The following KIAA1549 variants were observed in gnomAD, a reference collection of about 807,000 sequenced individuals.
The protein encoded by KIAA1549 is UPF0606 protein KIAA1549.
Under a neutral mutation model 156.4 loss-of-function variants are expected in KIAA1549, and 70 were observed. The ratio of observed to expected loss-of-function variants is 0.45; its 90% confidence interval spans 0.37 to 0.55. The LOEUF (loss-of-function observed/expected upper bound fraction) is 0.55. KIAA1549 is among the 20% of genes least tolerant of loss of function. KIAA1549 has a pLI of 0.00. For missense variants in KIAA1549, 2,428 were observed against 2,540.9 expected (o/e 0.96, Z 0.96); for synonymous variants, 1,103 against 1,066.4 (o/e 1.03, Z -0.67).
rs991564007 is a variant in KIAA1549 at position 138,835,017 on chromosome 7, TAC to T, written c.*2887_*2888del. The T allele has an allele frequency of 1.2e-4, 27 of 227,074 alleles. No homozygotes were observed. Among genetic ancestry groups the T allele is most frequent in the Non-Finnish European group, 1.6e-4 (18 of 114,350 alleles). The allele number at this position is 227,074 out of a possible 1,614,324, so 14.1% of individuals were successfully genotyped here. A position where few individuals can be genotyped will look rare whatever the true frequency, so the allele number is the denominator to read the frequency against. ...TTCTCCAAACATTCTGACTCAAATTTACAGTTTGTGTTACCACTAGAACTTTT... is the reference window on the plus strand; with the variant it reads ...TTCTCCAAACATTCTGACTCAAATTTAGTTTGTGTTACCACTAGAACTTTT... On this transcript the variant is annotated 3_prime_UTR_variant, in exon 20 of 20. Coordinates refer to ENST00000422774, the MANE Select transcript of KIAA1549 (RefSeq NM_001164665.2).
rs369007723 is a variant in KIAA1549, at chr7:138,844,421, G to C, written c.5348C>G (p.Pro1783Arg). 8.2e-6 allele frequency: 13 copies of C among 1,592,426 alleles called. No homozygotes were observed. Among genetic ancestry groups the C allele is most frequent in the Non-Finnish European group, 1.0e-5 (12 of 1,170,058 alleles). ...LQSTELVPPD[P>R]QQPQASAEAP... ...TTCGGCGGAGGCCTGTGGCTGCTGAGGGTCAGGGGGCACCAGCTCTGTAGA... is the reference window on the plus strand; with the variant it reads ...TTCGGCGGAGGCCTGTGGCTGCTGACGGTCAGGGGGCACCAGCTCTGTAGA... The change falls in exon 18 of 20, where the codon CCT becomes CGT. Residue 1783 changes from proline to arginine, a missense_variant. Physicochemically the swap from Pro to Arg is moderately radical, Grantham distance 103. Transcript: ENST00000422774.
At chr7:138,915,043 C>T (rs916366231) in intron 2 of KIAA1549, among the ~76,000 whole-genome samples, 4 of 152,314 alleles carry the variant, frequency 2.6e-5, no homozygotes, top group Admixed American at 6.5e-5. Flanking sequence ...CTGCTCTAAT[C>T]TTCAGATTCA....
Position 138,835,580 on chromosome 7 carries a change from A to T in KIAA1549, c.*2326T>A. ...TGGCCCTGAGCGGAACTGGGTGAGA[A>T]GGGGCCATTTATCCCGTTTGCTGTC... On this transcript the variant is annotated 3_prime_UTR_variant, in exon 20 of 20. Transcript: ENST00000422774. 1 of 224,440 alleles carries T rather than the reference A, an allele frequency of 4.5e-6. No homozygotes were observed. The highest frequency in any genetic ancestry group is 1.4e-3 in the Middle Eastern group (1 of 740). The allele number at this position is 224,440 out of a possible 1,614,324, so 13.9% of individuals were successfully genotyped here.
chr7:138,933,028 G>A (rs1812914914), intron 1 of KIAA1549, among the ~76,000 whole-genome samples: 1 of 152,210 alleles, frequency 6.6e-6, no homozygotes, highest in South Asian at 2.1e-4. Flanking sequence ...AAGGGTCGCT[G>A]TGCTGAATGA....
intron 15 of KIAA1549, among the ~76,000 whole-genome samples, chr7:138,863,179 C>A (rs1810638503): frequency 6.6e-6 from 1 of 151,698 alleles, no homozygotes; most frequent in South Asian, 2.1e-4. Flanking sequence ...GCAGCAGACA[C>A]AGTGAAGAGA....
Position 138,941,861 on chromosome 7 carries a change from C to G in KIAA1549, c.188-22423G>C, listed in dbSNP as rs558940997. On this transcript the variant is annotated intron_variant, in intron 1 of 19. Coordinates refer to ENST00000422774, the MANE Select transcript of KIAA1549 (RefSeq NM_001164665.2). The stretch of plus-strand genomic sequence containing the variant: ...TTCAGGGACCAGTAAGATGAGGGAG[C>G]CTAAACTCTTCCAAAGAGGAAATAA... Among the ~76,000 whole-genome samples, 137 of 152,256 alleles carry G rather than the reference C, an allele frequency of 9.0e-4. 1 individual carries two copies. Among genetic ancestry groups the G allele is most frequent in the African/African-American group, 3.3e-3 (136 of 41,552 alleles).
intron 17 of KIAA1549, among the ~76,000 whole-genome samples, chr7:138,844,849 T>C (rs2130335485): frequency 6.6e-6 from 1 of 151,000 alleles, no homozygotes; most frequent in South Asian, 2.1e-4. Flanking sequence ...ACAGAAACAC[T>C]AGGGGCGAGA....
chr7:138,839,778 CTTT>C (rs763327649), intron 19 of KIAA1549, among the ~76,000 whole-genome samples: 9 of 61,354 alleles, frequency 1.5e-4, no homozygotes, highest in African/African-American at 5.8e-4. Context: ...GGGATTATGT[CTTT>C]TTTTTTTTTT....
intron 1 of KIAA1549, among the ~76,000 whole-genome samples, chr7:138,944,337 C>T (rs1197822423): frequency 6.6e-6 from 1 of 152,066 alleles, no homozygotes; most frequent in Admixed American, 6.6e-5. Context: ...CAAGGAAATG[C>T]AAATCAAAAG....
In KIAA1549 at chr7:138,875,753, T is replaced by C. The variant is rs557490488; in HGVS notation, c.4345+3785A>G. 7.2e-5 allele frequency among the ~76,000 whole-genome samples: 11 copies of C among 152,340 alleles called. 1 individual carries two copies. In the South Asian group the frequency reaches 1.2e-3, roughly 17 times the overall value. ...AAATGACAAAGCAAGAGAGCATTTT[T>C]AAAGAAATATTATTTCATTATCTAC... On this transcript the variant is annotated intron_variant, in intron 12 of 19. Transcript: ENST00000422774.
At chr7:138,957,450 C>CCTCCTT (rs1272886802) in intron 1 of KIAA1549, among the ~76,000 whole-genome samples, 3 of 94,546 alleles carry the variant, frequency 3.2e-5, no homozygotes, top group African/African-American at 1.4e-4. Context: ...TCCCCCTCCC[C>CCTCCTT]CTCCTTCTCC....
intron 9 of KIAA1549, 70 bp from the exon 10 acceptor site, chr7:138,894,596 T>C: frequency 6.8e-7 from 1 of 1,465,380 alleles, no homozygotes; most frequent in East Asian, 2.3e-5. Flanking sequence ...ACGTGTCTTC[T>C]ATGAGAAACT....
intron 17 of KIAA1549, among the ~76,000 whole-genome samples, chr7:138,845,458 A>C (rs1297328667): frequency 1.3e-5 from 2 of 152,178 alleles, no homozygotes; most frequent in Non-Finnish European, 2.9e-5. Context: ...GCTACCACAC[A>C]AAAATTCCAC....
At chr7:138,861,803 T>A (rs762321844) in intron 15 of KIAA1549, among the ~76,000 whole-genome samples, 1 of 151,998 alleles carries the variant, frequency 6.6e-6, no homozygotes, top group African/African-American at 2.4e-5. Flanking sequence ...CCCAGGAATT[T>A]GAGCTTTCAG....
At chr7:138,853,328 G>A (rs1810288118) in intron 16 of KIAA1549, among the ~76,000 whole-genome samples, 1 of 152,168 alleles carries the variant, frequency 6.6e-6, no homozygotes, top group Non-Finnish European at 1.5e-5. Flanking sequence ...TCACTAAAAA[G>A]TACTCACTGC....
At chr7:138,912,206 G>A (rs1042860381) in intron 3 of KIAA1549, among the ~76,000 whole-genome samples, 166 bp downstream of exon 3, 2 of 152,166 alleles carry the variant, frequency 1.3e-5, no homozygotes, top group Admixed American at 1.3e-4. Flanking sequence ...ATGCAGTGAC[G>A]GTGGAATGGA....
chr7:138,949,264 G>A (rs1813426040), intron 1 of KIAA1549, among the ~76,000 whole-genome samples: 1 of 152,080 alleles, frequency 6.6e-6, no homozygotes, highest in African/African-American at 2.4e-5. Context: ...CCAAGTCGCT[G>A]AAAGATAAAA....
intron 14 of KIAA1549, 140 bp downstream of exon 14, chr7:138,869,398 T>C (rs1366335396): frequency 1.5e-6 from 1 of 682,326 alleles, no homozygotes; most frequent in Non-Finnish European, 2.5e-6. Flanking sequence ...TCAACTGTCT[T>C]CAGAGACCTC....
chr7:138,845,237 A>G (rs1810041454), intron 17 of KIAA1549, among the ~76,000 whole-genome samples: 1 of 149,568 alleles, frequency 6.7e-6, no homozygotes, highest in Non-Finnish European at 1.5e-5. Flanking sequence ...TTAACTATTC[A>G]TCAATCCTCC....
Sources: gnomAD v4.1 joint callset for allele counts (sites outside exome capture counted in the v4.1 genomes callset) on GRCh38, gnomAD v4.1.1 for gene constraint, MANE v1.5 for transcripts, NCBI Gene and HGNC (gene_info 2026-07-23, HGNC 2026-07-21) for gene names.